Variants in SIGLEC8 observed in about 807,000 individuals in gnomAD.
SIGLEC8 encodes sialic acid-binding Ig-like lectin 8.
A neutral mutation model predicts 42.1 loss-of-function variants in SIGLEC8; 32 were observed. The ratio of observed to expected loss-of-function variants is 0.76; its 90% CI spans 0.57 to 1.02. The LOEUF (loss-of-function observed/expected upper bound fraction) is 1.02. Among genes scored for constraint, SIGLEC8 ranks in the 50% least tolerant of loss-of-function variants. The pLI, the probability that SIGLEC8 is intolerant of heterozygous loss-of-function variation, is 0.00. For synonymous variants in SIGLEC8, 262 were observed against 260.3 expected (o/e 1.01, Z -0.06); for missense variants, 611 against 610.2 (o/e 1.00, Z -0.01).
intron 2 of SIGLEC8, 39 bp from the exon 3 acceptor site, chr19:51,457,270 G>A: frequency 1.3e-6 from 2 of 1,591,432 alleles, no homozygotes; most frequent in Non-Finnish European, 1.7e-6. Flanking sequence ...TTACTATAAG[G>A]ACTGGGGACA....
In SIGLEC8 at chr19:51,457,485, T is replaced by C; in HGVS notation, c.709A>G (p.Ser237Gly). The C allele has an allele frequency of 6.2e-7, 1 of 1,613,790 alleles. No homozygotes were observed. Among genetic ancestry groups the C allele is most frequent in the African/African-American group, 1.3e-5 (1 of 75,016 alleles). ...CAGGACACATCGAGGCGGACGGTAC[T>C]GGTCGTGGTCACACCTGTCCCAGGC... ...TLPGTGVTTT[S>G]TVRLDVSYPP... The change falls in exon 2 of 7, where the codon AGT becomes GGT. Residue 237 changes from serine to glycine, a missense_variant. Transcript: ENST00000321424.
chr19:51,452,650 A>C lies in SIGLEC8; in HGVS notation c.1246-17T>G. On this transcript the variant is annotated splice_polypyrimidine_tract_variant and intron_variant, in intron 6 of 6. Transcript: ENST00000321424. ...CAGGGGTCCCTGGACAGAGAGAGAGAAGGGAGTCAGAACAGAGCAGTGGGG... is the reference window on the plus strand; with the variant it reads ...CAGGGGTCCCTGGACAGAGAGAGAGCAGGGAGTCAGAACAGAGCAGTGGGG... The C allele has an allele frequency of 1.3e-6, 2 of 1,503,468 alleles. No homozygotes were observed. The highest frequency in any genetic ancestry group is 1.8e-6 in the Non-Finnish European group (2 of 1,122,870). 93.1% of individuals were successfully genotyped at this position (1,503,468 alleles called of 1,614,324 possible). A position where few individuals can be genotyped will look rare whatever the true frequency, so the allele number is the denominator to read the frequency against.
chr19:51,457,237 A>T lies in SIGLEC8; in HGVS notation c.734-6T>A. 1 of 1,612,926 alleles carries T rather than the reference A, an allele frequency of 6.2e-7. No homozygotes were observed. Among genetic ancestry groups the T allele is most frequent in the Non-Finnish European group, 8.5e-7 (1 of 1,179,250 alleles). ...GGTCAAGTTCCAAGGAGGGTCTGGG[A>T]CAGAAAGACATGAAGACCCACATTA... On this transcript the variant is annotated splice_region_variant and splice_polypyrimidine_tract_variant and intron_variant, in intron 2 of 6. Transcript: ENST00000321424.
chr19:51,454,876 C>G lies in SIGLEC8; in HGVS notation c.1052-96G>C. On this transcript the variant is annotated intron_variant, in intron 4 of 6. Transcript: ENST00000321424. This position sits in a 1 kb window ranked among gnomAD's most constrained non-coding sequence, Gnocchi z 4.7. Reference sequence around the variant, plus strand: ...TGCAGGGCCCTAGACTTCCATTCCCCTCTTCTCCTTCCCAGACACAGAATA... The same window carrying G: ...TGCAGGGCCCTAGACTTCCATTCCCGTCTTCTCCTTCCCAGACACAGAATA... 1 of 826,614 alleles carries G rather than the reference C, an allele frequency of 1.2e-6. No individual in the cohort carries two copies. Among genetic ancestry groups the G allele is most frequent in the Non-Finnish European group, 2.0e-6 (1 of 488,812 alleles). The allele number at this position is 826,614 out of a possible 1,614,324, so 51.2% of individuals were successfully genotyped here.
chr19:51,457,381 C>T, intron 2 of SIGLEC8, 80 bp downstream of exon 2: 2 of 1,560,586 alleles, frequency 1.3e-6, no homozygotes, highest in East Asian at 4.5e-5. Context: ...AACCCAGTGT[C>T]CAGGCTTGAA....
rs1308138626 is a variant in SIGLEC8, at chr19:51,452,345, C to T, written c.*34G>A. On this transcript the variant is annotated 3_prime_UTR_variant, in exon 7 of 7. Coordinates refer to ENST00000321424, the MANE Select transcript of SIGLEC8 (RefSeq NM_014442.3). ...GGAGCCCTGGTGACCTACTGCATAGCATGGGGCTCTAGAGGGTTCTTGTTC... is the reference window on the plus strand; with the variant it reads ...GGAGCCCTGGTGACCTACTGCATAGTATGGGGCTCTAGAGGGTTCTTGTTC... 6.4e-7 allele frequency: 1 copy of T among 1,553,686 alleles called. No individual in the cohort carries two copies. Among genetic ancestry groups the T allele is most frequent in the Non-Finnish European group, 8.8e-7 (1 of 1,137,544 alleles).
In SIGLEC8 at chr19:51,458,015, G is replaced by A. The variant is rs200631849; in HGVS notation, c.373C>T (p.Arg125Trp). The change falls in exon 1 of 7, where the codon CGG (arginine) becomes TGG (tryptophan). Residue 125 changes from arginine to tryptophan, a missense_variant. Physicochemically the swap from Arg to Trp is moderately radical, Grantham distance 101. Transcript: ENST00000321424. ...RKRDKGSYFF[R>W]LERGSMKWSY... ...CATTTCATGCTTCCTCTCTCTAGCC[G>A]AAAGAAATATGACCCCTTATCCCTC... 3.1e-5 allele frequency: 50 copies of A among 1,614,094 alleles called. No homozygotes were observed. Among genetic ancestry groups the A allele is most frequent in the Admixed American group, 8.3e-5 (5 of 60,016 alleles).
At chr19:51,453,452 C>T (rs1989415861) in intron 6 of SIGLEC8, 3 of 930,270 alleles carry the variant, frequency 3.2e-6, no homozygotes, top group Non-Finnish European at 2.6e-6. Flanking sequence ...AATCCTAACA[C>T]TTTGGGAGGC....
rs150367222 is a variant in SIGLEC8, at chr19:51,455,578, C to T, written c.891G>A (p.Arg297=). The T allele has an allele frequency of 1.7e-5, 28 of 1,614,018 alleles. No individual in the cohort carries two copies. The highest frequency in any genetic ancestry group is 1.6e-4 in the Middle Eastern group (1 of 6,082). The stretch of plus-strand genomic sequence containing the variant: ...GTGAGGGGCACAGGGTCAGGCTCCC[C>T]CGGGTCCAGCTCAGCCTGGCAGGGG... The part of the protein sequence containing the change: ...SNPPARLSWT[R]GSLTLCPSRS... The change falls in exon 4 of 7, where the codon CGG becomes CGA. Residue 297 remains arginine (R), a synonymous_variant. Transcript: ENST00000321424.
Position 51,457,506 on chromosome 19 carries a change from C to T in SIGLEC8, c.688G>A (p.Gly230Arg). Residue 230 changes from glycine to arginine, a missense_variant, in exon 2 of 7, where the codon GGG becomes AGG. Coordinates refer to ENST00000321424, the MANE Select transcript of SIGLEC8 (RefSeq NM_014442.3). Reference protein sequence around the residue: ...TSLTCQVTLPGTGVTTTSTVR... With the variant: ...TSLTCQVTLPRTGVTTTSTVR... ...GTACTGGTCGTGGTCACACCTGTCC[C>T]AGGCAAGGTCACCTGACAGGTGAGG... The T allele has an allele frequency of 6.2e-7, 1 of 1,613,926 alleles. No individual in the cohort carries two copies. The highest frequency in any genetic ancestry group is 1.1e-5 in the South Asian group (1 of 91,060).
Position 51,452,559 on chromosome 19 carries a change from C to T in SIGLEC8, c.1320G>A (p.Gly440=). The T allele has an allele frequency of 6.3e-7, 1 of 1,587,960 alleles. No homozygotes were observed. The highest frequency in any genetic ancestry group is 1.3e-5 in the African/African-American group (1 of 74,306). Residue 440 remains glycine (G), a synonymous_variant, in exon 7 of 7, where the codon GGG becomes GGA. Transcript: ENST00000321424. ...TTGCATAATGGAGCTCTCCTTCCTC[C>T]CCTGACGAGGGGGCAACAGCTGGGG... ...KPPPAVAPSS[G]EEGELHYATL...
chr19:51,457,311 C>T lies in SIGLEC8; in HGVS notation c.734-80G>A. 10 of 1,520,622 alleles carry T rather than the reference C, an allele frequency of 6.6e-6. No homozygotes were observed. The South Asian group carries it at 1.2e-4, about 18-fold the overall frequency. 94.2% of individuals were successfully genotyped at this position (1,520,622 alleles called of 1,614,324 possible). ...CCTGTCTTCCCAGGAGCTGCAAATA[C>T]AGGGAAAATGGAGTCGGCATTCTCC... On this transcript the variant is annotated intron_variant, in intron 2 of 6. Transcript: ENST00000321424.
In SIGLEC8 at chr19:51,457,158, A is replaced by G. The variant is rs755844125; in HGVS notation, c.781+26T>C. On this transcript the variant is annotated intron_variant, in intron 3 of 6. Coordinates refer to ENST00000321424, the MANE Select transcript of SIGLEC8 (RefSeq NM_014442.3). ...CTGAGCTGAAGGCCCTGCTCCCCCA[A>G]CCCCAGGGAGGGGGCTCTGTCCTAC... The G allele has an allele frequency of 8.1e-6, 13 of 1,607,634 alleles. No individual in the cohort carries two copies. The South Asian group carries it at 1.2e-4, about 15-fold the overall frequency.
chr19:51,457,576 G>T lies in SIGLEC8; in HGVS notation c.618C>A (p.Ser206=), dbSNP rs754475865. 3.1e-6 allele frequency: 5 copies of T among 1,613,872 alleles called. No homozygotes were observed. Among genetic ancestry groups the T allele is most frequent in the Middle Eastern group, 1.7e-4 (1 of 6,008 alleles). Residue 206 remains serine (S), a synonymous_variant, in exon 2 of 7, where the codon TCC becomes TCA. Coordinates refer to ENST00000321424, the MANE Select transcript of SIGLEC8 (RefSeq NM_014442.3). The stretch of plus-strand genomic sequence containing the variant: ...GCTTTGGGGTAAGGGTGAGCACTGA[G>T]GAGCGGGCAGTAGTGGGGCCCGGGG... The part of the protein sequence containing the change: ...VSSPGPTTAR[S]SVLTLTPKPQ...
At position 51,455,457 on chromosome 19, in the gene SIGLEC8, G is replaced by A. The variant is rs755513407; in HGVS notation, c.1012C>T (p.His338Tyr). 1 of 1,614,128 alleles carries A rather than the reference G, an allele frequency of 6.2e-7. No individual in the cohort carries two copies. The highest frequency in any genetic ancestry group is 1.1e-5 in the South Asian group (1 of 91,070). Residue 338 changes from histidine (H) to tyrosine (Y), a missense_variant, in exon 4 of 7, where the codon CAC (histidine) becomes TAC (tyrosine). His to Tyr is a moderately conservative substitution (Grantham distance 83). Transcript: ENST00000321424. ...CRAQNAQGSQ[H>Y]ISLSLSLQNE... ...TGCAGGGAGAGGCTCAGGGAAATGT[G>A]CTGGGAGCCCTGAGCGTTCTGAGCT...
chr19:51,454,124 T>G lies in SIGLEC8; in HGVS notation c.1245+95A>C. The G allele has an allele frequency of 1.3e-6, 2 of 1,568,400 alleles. No homozygotes were observed. The highest frequency in any genetic ancestry group is 2.3e-5 in the East Asian group (1 of 43,966). ...TGGGAAGGAGGAGGAGACGAGGAAG[T>G]GACTTTGGCCATACCAAAGAGAGCG... On this transcript the variant is annotated intron_variant, in intron 6 of 6. Transcript: ENST00000321424. This position sits in a 1 kb window ranked among gnomAD's most constrained non-coding sequence, Gnocchi z 4.7.
intron 4 of SIGLEC8, 82 bp downstream of exon 4, chr19:51,455,336 C>A: frequency 6.5e-7 from 1 of 1,530,238 alleles, no homozygotes; most frequent in East Asian, 2.3e-5. Flanking sequence ...GAGCTGAGCT[C>A]CCCCTTGAAG....
At chr19:51,457,789 C>T in intron 1 of SIGLEC8, 50 bp from the exon 2 acceptor site, 4 of 1,555,074 alleles carry the variant, frequency 2.6e-6, no homozygotes, top group South Asian at 1.2e-5. Flanking sequence ...CAGGTGCAGC[C>T]CTGGAGGAAG....
chr19:51,454,790 G>C lies in SIGLEC8; in HGVS notation c.1052-10C>G, dbSNP rs536152795. On this transcript the variant is annotated splice_polypyrimidine_tract_variant and intron_variant, in intron 4 of 6. Transcript: ENST00000321424. The surrounding 1 kb of genome is among the most constrained non-coding windows in gnomAD (Gnocchi z 4.7). Reference sequence around the variant, plus strand: ...ACAGGTCTTGAGGTGCCTGCAGATGGATTGGAGTTGCTTTGGGGATTTATA... The same window carrying C: ...ACAGGTCTTGAGGTGCCTGCAGATGCATTGGAGTTGCTTTGGGGATTTATA... 1 of 1,607,402 alleles carries C rather than the reference G, an allele frequency of 6.2e-7. No individual in the cohort carries two copies. The highest frequency in any genetic ancestry group is 8.5e-7 in the Non-Finnish European group (1 of 1,174,254).
Sources: gnomAD v4.1 joint callset for allele counts on GRCh38, gnomAD v4.1.1 for gene constraint, Gnocchi (gnomAD v3.1) non-coding constraint, MANE v1.5 for transcripts, NCBI Gene and HGNC (gene_info 2026-07-23, HGNC 2026-07-21) for gene names.